Variants in CAMK1D observed in about 807,000 individuals in gnomAD.
CAMK1D encodes calcium/calmodulin dependent protein kinase ID.
Under a neutral mutation model 47.7 loss-of-function variants are expected in CAMK1D, and 9 were observed. The ratio of observed to expected loss-of-function variants is 0.19; its 90% CI spans 0.11 to 0.33. The LOEUF is 0.33. Ranked by LOEUF, CAMK1D falls within the 10% of genes least tolerant of loss-of-function variation. The pLI is 1.00. For missense variants in CAMK1D, 291 were observed against 488.7 expected (o/e 0.60, Z 3.81); for synonymous variants, 184 against 184.9 (o/e 0.99, Z 0.04).
chr10:12,397,906 G>C (rs538565563), intron 1 of CAMK1D, among the ~76,000 whole-genome samples: 1 of 152,140 alleles, frequency 6.6e-6, no homozygotes, highest in Admixed American at 6.5e-5. Context: ...GAACTGAGGG[G>C]TGAGCTTCTT....
At chr10:12,445,669 G>C (rs1832904529) in intron 1 of CAMK1D, among the ~76,000 whole-genome samples, 2 of 152,138 alleles carry the variant, frequency 1.3e-5, no homozygotes, top group South Asian at 4.1e-4. Flanking sequence ...CTTTTGTCCT[G>C]TCTGTAAGAA....
chr10:12,564,145 C>G (rs868397185), intron 2 of CAMK1D, among the ~76,000 whole-genome samples: 21 of 99,104 alleles, frequency 2.1e-4, no homozygotes, highest in African/African-American at 6.7e-4. Flanking sequence ...CTCTCTCTCT[C>G]TGTCTCTCTC....
In CAMK1D at chr10:12,752,746, G is replaced by A. The variant is rs77272425; in HGVS notation, c.300-8202G>A. Among the ~76,000 whole-genome samples the A allele has an allele frequency of 4.8e-3, 724 of 152,224 alleles. 10 individuals carry two copies. Among genetic ancestry groups the A allele is most frequent in the African/African-American group, 0.016 (663 of 41,544 alleles). On this transcript the variant is annotated intron_variant, in intron 3 of 10. Coordinates refer to ENST00000619168, the MANE Select transcript of CAMK1D (RefSeq NM_153498.4). ...ATATGTAATTGAATAATTGTTCTCC[G>A]TAAGTTTTTAGTAGAGTCACTGACC...
chr10:12,586,473 A>G, intron 2 of CAMK1D, among the ~76,000 whole-genome samples: 1 of 151,044 alleles, frequency 6.6e-6, no homozygotes, highest in East Asian at 2.0e-4. Flanking sequence ...AAAAAAAAAA[A>G]ATTGAAGAAG....
intron 3 of CAMK1D, among the ~76,000 whole-genome samples, chr10:12,694,853 T>C (rs1156732357): frequency 6.6e-6 from 1 of 151,834 alleles, no homozygotes; most frequent in East Asian, 1.9e-4. Context: ...GGGCAAATAT[T>C]GTCAAAGTAT....
At chr10:12,676,207 A>G (rs1012325067) in intron 3 of CAMK1D, among the ~76,000 whole-genome samples, 1 of 151,862 alleles carries the variant, frequency 6.6e-6, no homozygotes, top group East Asian at 1.9e-4. Flanking sequence ...TCTTGCCTCT[A>G]CCTCCCAGAG....
chr10:12,630,312 C>T lies in CAMK1D; in HGVS notation c.225-36424C>T, dbSNP rs939188485. On this transcript the variant is annotated intron_variant, in intron 2 of 10. Transcript: ENST00000619168. Reference sequence around the variant, plus strand: ...ATCCCCCTTCTGCCCACCCCCACCGCGTATATATTGTGACTTGTTTTCTTA... The same window carrying T: ...ATCCCCCTTCTGCCCACCCCCACCGTGTATATATTGTGACTTGTTTTCTTA... 6.6e-5 allele frequency among the ~76,000 whole-genome samples: 10 copies of T among 151,180 alleles called. 1 individual carries two copies. The highest frequency in any genetic ancestry group is 2.4e-4 in the African/African-American group (10 of 41,082).
At chr10:12,697,206 C>T (rs1158110233) in intron 3 of CAMK1D, among the ~76,000 whole-genome samples, 2 of 152,138 alleles carry the variant, frequency 1.3e-5, no homozygotes, top group African/African-American at 4.8e-5. Flanking sequence ...ATGATTCAAC[C>T]TTTCATATGT....
chr10:12,555,155 T>C (rs1254478112), intron 2 of CAMK1D, among the ~76,000 whole-genome samples: 1 of 152,246 alleles, frequency 6.6e-6, no homozygotes, highest in Non-Finnish European at 1.5e-5. Context: ...ACAAGCCTTC[T>C]AGGGCCTCAA....
At chr10:12,726,563 T>C (rs564237719) in intron 3 of CAMK1D, among the ~76,000 whole-genome samples, 1 of 152,340 alleles carries the variant, frequency 6.6e-6, no homozygotes, top group East Asian at 1.9e-4. Flanking sequence ...AAAATAATTC[T>C]ACAGAAGCCA....
At chr10:12,433,517 C>T (rs1207781434) in intron 1 of CAMK1D, among the ~76,000 whole-genome samples, 3 of 151,980 alleles carry the variant, frequency 2.0e-5, no homozygotes, top group Non-Finnish European at 2.9e-5. Context: ...AAAACTGGGT[C>T]GAGGAAAGCG....
chr10:12,382,805 A>G (rs1028210069), intron 1 of CAMK1D, among the ~76,000 whole-genome samples: 2 of 152,198 alleles, frequency 1.3e-5, no homozygotes, highest in African/African-American at 4.8e-5. Context: ...AGCCTGGGCA[A>G]CAGAGTGAGA....
intron 1 of CAMK1D, among the ~76,000 whole-genome samples, chr10:12,364,480 T>C (rs1226493190): frequency 1.3e-5 from 2 of 151,942 alleles, no homozygotes; most frequent in Non-Finnish European, 2.9e-5. Context: ...TGACCTCAGG[T>C]GATCCGCCCA....
chr10:12,702,362 G>T (rs1469875740), intron 3 of CAMK1D, among the ~76,000 whole-genome samples: 1 of 152,194 alleles, frequency 6.6e-6, no homozygotes, highest in Non-Finnish European at 1.5e-5. Flanking sequence ...CACCTCAGAG[G>T]CTTAGAACCC....
chr10:12,761,602 T>C (rs961681757), intron 4 of CAMK1D, among the ~76,000 whole-genome samples: 3 of 152,076 alleles, frequency 2.0e-5, no homozygotes, highest in African/African-American at 7.2e-5. Context: ...AAAAGAGCTA[T>C]GACTGGCTGG....
At chr10:12,633,846 C>G (rs981297387) in intron 2 of CAMK1D, among the ~76,000 whole-genome samples, 2 of 152,220 alleles carry the variant, frequency 1.3e-5, no homozygotes, top group Non-Finnish European at 2.9e-5. Context: ...CGTCAGCCAA[C>G]TTTCCCAGCC....
chr10:12,816,379 G>A (rs1260590946), intron 8 of CAMK1D, 51 bp downstream of exon 8: 1 of 1,465,464 alleles, frequency 6.8e-7, no homozygotes, highest in Non-Finnish European at 9.4e-7. Flanking sequence ...GCCATCTGGG[G>A]GGGGCACGAA....
intron 3 of CAMK1D, among the ~76,000 whole-genome samples, chr10:12,744,416 G>A (rs1050462955): frequency 2.0e-5 from 3 of 152,102 alleles, no homozygotes; most frequent in Non-Finnish European, 2.9e-5. Flanking sequence ...GTTTTCCATC[G>A]TGGCTGCCCC....
At chr10:12,530,318 G>A (rs756828182) in intron 1 of CAMK1D, among the ~76,000 whole-genome samples, 4 of 152,182 alleles carry the variant, frequency 2.6e-5, no homozygotes, top group African/African-American at 4.8e-5. Flanking sequence ...ATCTTGTTTG[G>A]GGAAAGCACA....
Sources: allele counts gnomAD v4.1 joint callset (sites outside exome capture counted in the v4.1 genomes callset), GRCh38; gene constraint gnomAD v4.1.1; transcripts MANE v1.5; gene names NCBI Gene and HGNC (gene_info 2026-07-23, HGNC 2026-07-21).